Variants in TXNDC11 observed in about 807,000 individuals in gnomAD.
The protein encoded by TXNDC11 is thioredoxin domain-containing protein 11.
In TXNDC11, 68 loss-of-function variants were observed where a neutral mutation model predicts 78.0. The observed-to-expected ratio is 0.87, with a 90% CI of 0.72 to 1.07. The LOEUF (loss-of-function observed/expected upper bound fraction) is 1.07, where lower values mean the gene tolerates loss of function less well. Among genes scored for constraint, TXNDC11 ranks in the 50% least tolerant of loss-of-function variants. The pLI, the probability that TXNDC11 is intolerant of heterozygous loss-of-function variation, is 0.00. For missense variants in TXNDC11, 1,389 were observed against 1,221.8 expected (o/e 1.14, Z -2.04); for synonymous variants, 571 against 495.2 (o/e 1.15, Z -2.03).
Position 11,679,108 on chromosome 16 carries a change from T to C in TXNDC11, c.*87A>G. ...TTTTCTAGACCACTGAGAAAATCTT[T>C]ATTTACAATAAATTTCAATAAAATT... On this transcript the variant is annotated 3_prime_UTR_variant, in exon 12 of 12. Transcript: ENST00000283033. This position sits in a 1 kb window ranked among gnomAD's most constrained non-coding sequence, Gnocchi z 4.6. The C allele has an allele frequency of 7.2e-7, 1 of 1,393,984 alleles. No homozygotes were observed. The highest frequency in any genetic ancestry group is 9.7e-7 in the Non-Finnish European group (1 of 1,026,394). The allele number at this position is 1,393,984 out of a possible 1,614,324, so 86.4% of individuals were successfully genotyped here. A position where few individuals can be genotyped will look rare whatever the true frequency, so the allele number is the denominator to read the frequency against.
chr16:11,700,340 T>C (rs1405946821), intron 6 of TXNDC11, 112 bp downstream of exon 6: 2 of 508,546 alleles, frequency 3.9e-6, no homozygotes, highest in Non-Finnish European at 7.0e-6. Flanking sequence ...TAAAATCATA[T>C]GCGCTTTTCT....
chr16:11,734,124 G>A (rs529181089), intron 2 of TXNDC11, 45 bp from the exon 3 acceptor site: 25 of 1,203,614 alleles, frequency 2.1e-5, no homozygotes, highest in East Asian at 4.9e-5. Flanking sequence ...AATAACAACT[G>A]AAAAGTTACC....
chr16:11,741,711 G>T (rs1010079479), intron 1 of TXNDC11, among the ~76,000 whole-genome samples: 1 of 152,170 alleles, frequency 6.6e-6, no homozygotes, highest in Admixed American at 6.5e-5. Context: ...CCGGACGAGC[G>T]TCCGGCACAT....
chr16:11,696,952 C>T (rs1318946798), intron 7 of TXNDC11, among the ~76,000 whole-genome samples: 3 of 152,112 alleles, frequency 2.0e-5, no homozygotes, highest in Admixed American at 6.5e-5. Flanking sequence ...CCACCTTGAC[C>T]GAAAACCTTC....
chr16:11,739,323 G>A (rs2052324729), intron 1 of TXNDC11, among the ~76,000 whole-genome samples: 1 of 152,170 alleles, frequency 6.6e-6, no homozygotes, highest in Non-Finnish European at 1.5e-5. Context: ...GCAGCTATGA[G>A]GGGTATGTCT....
At chr16:11,703,038 T>G (rs998016288) in intron 5 of TXNDC11, among the ~76,000 whole-genome samples, 10 of 152,172 alleles carry the variant, frequency 6.6e-5, no homozygotes, top group Non-Finnish European at 1.0e-4. Flanking sequence ...TAGGCCTTTT[T>G]GTATCTGACT....
In TXNDC11 at chr16:11,730,857, A is replaced by G. The variant is rs952127132; in HGVS notation, c.570-83T>C. The G allele has an allele frequency of 6.8e-6, 7 of 1,030,414 alleles. No homozygotes were observed. The African/African-American group carries it at 9.9e-5, about 15-fold the overall frequency. 63.8% of individuals were successfully genotyped at this position (1,030,414 alleles called of 1,614,324 possible). ...AAGCCTGTAATGTATAACTAAAATCATCACCACCACAAAATGAAAGTGTCT... is the reference window on the plus strand; with the variant it reads ...AAGCCTGTAATGTATAACTAAAATCGTCACCACCACAAAATGAAAGTGTCT... On this transcript the variant is annotated intron_variant, in intron 3 of 11. Transcript: ENST00000283033.
rs755933236 is a variant in TXNDC11 at position 11,721,673 on chromosome 16, G to A, written c.700-3C>T. On this transcript the variant is annotated splice_polypyrimidine_tract_variant and splice_region_variant and intron_variant, in intron 4 of 11. Transcript: ENST00000283033. ...TCAAAGTACCCGAGTACTCCAGGCT[G>A]CAGGAAAAAGAGCAGAATTAGGTAA... 5 of 1,599,742 alleles carry A rather than the reference G, an allele frequency of 3.1e-6. No individual in the cohort carries two copies. Among genetic ancestry groups the A allele is most frequent in the Admixed American group, 3.4e-5 (2 of 59,574 alleles).
chr16:11,693,122 C>T (rs181594429), intron 7 of TXNDC11, among the ~76,000 whole-genome samples: 1 of 152,268 alleles, frequency 6.6e-6, no homozygotes, highest in Admixed American at 6.5e-5. Flanking sequence ...CTGCCATCCC[C>T]GGGGCCTAGC....
intron 1 of TXNDC11, among the ~76,000 whole-genome samples, chr16:11,736,704 C>G (rs2052231049): frequency 6.6e-6 from 1 of 152,202 alleles, no homozygotes; most frequent in South Asian, 2.1e-4. Context: ...AGCTTATTAG[C>G]TGGAGTTGGC....
intron 5 of TXNDC11, among the ~76,000 whole-genome samples, chr16:11,717,434 G>GAC (rs1567332435): frequency 1.6e-5 from 1 of 62,330 alleles, no homozygotes; most frequent in Non-Finnish European, 2.8e-5. Flanking sequence ...GACTCCAAAT[G>GAC]AAAAAAAAAA....
chr16:11,694,869 G>GT (rs2050818391), intron 7 of TXNDC11, among the ~76,000 whole-genome samples: 1 of 152,186 alleles, frequency 6.6e-6, no homozygotes, highest in African/African-American at 2.4e-5. Flanking sequence ...CACATTCTGT[G>GT]TATCACTTGA....
At chr16:11,683,825 C>A (rs2050496465) in intron 11 of TXNDC11, among the ~76,000 whole-genome samples, 1 of 147,400 alleles carries the variant, frequency 6.8e-6, no homozygotes. Context: ...GATCTTGGCT[C>A]ACTGCAACCT....
intron 5 of TXNDC11, among the ~76,000 whole-genome samples, chr16:11,712,140 A>G (rs183861333): frequency 1.3e-5 from 2 of 152,358 alleles, no homozygotes; most frequent in Non-Finnish European, 2.9e-5. Context: ...CAATACTCTA[A>G]AAGAGTCAAT....
Position 11,687,933 on chromosome 16 carries a change from C to A in TXNDC11, c.2077G>T (p.Gly693Cys). 6.2e-7 allele frequency: 1 copy of A among 1,613,836 alleles called. No individual in the cohort carries two copies. Among genetic ancestry groups the A allele is most frequent in the South Asian group, 1.1e-5 (1 of 91,038 alleles). ...VLLLYYAPWC[G>C]FCPSLNHIFI... ...ATGTGATTGAGGGATGGACAGAAGCCGCACCACGGAGCGTAATAGAGCAGG... is the reference window on the plus strand; with the variant it reads ...ATGTGATTGAGGGATGGACAGAAGCAGCACCACGGAGCGTAATAGAGCAGG... Residue 693 changes from glycine (G) to cysteine (C), a missense_variant, in exon 10 of 12, where the codon GGC becomes TGC. Coordinates refer to ENST00000283033, the MANE Select transcript of TXNDC11 (RefSeq NM_015914.7).
intron 5 of TXNDC11, among the ~76,000 whole-genome samples, chr16:11,712,082 C>A (rs991402069): frequency 3.3e-5 from 5 of 152,018 alleles, no homozygotes; most frequent in Non-Finnish European, 7.4e-5. Context: ...TTATCAACTT[C>A]CAAACATGAA....
chr16:11,681,270 C>T (rs902898815), intron 11 of TXNDC11, among the ~76,000 whole-genome samples: 1 of 152,230 alleles, frequency 6.6e-6, no homozygotes, highest in Non-Finnish European at 1.5e-5. Flanking sequence ...CCTGCCCCCA[C>T]GTTCTGCGGC....
chr16:11,729,458 CAT>C (rs1354029636), intron 4 of TXNDC11, among the ~76,000 whole-genome samples: 1 of 93,738 alleles, frequency 1.1e-5, no homozygotes, highest in East Asian at 2.4e-4. Flanking sequence ...ATAGTTAACA[CAT>C]ATGTAGTTTC....
At chr16:11,693,250 T>C (rs1262863589) in intron 7 of TXNDC11, among the ~76,000 whole-genome samples, 3 of 152,210 alleles carry the variant, frequency 2.0e-5, no homozygotes, top group Non-Finnish European at 4.4e-5. Flanking sequence ...CAAGCCAGTA[T>C]TGGCAATTTG....
Sources: gnomAD v4.1 joint callset for allele counts (sites outside exome capture counted in the v4.1 genomes callset) on GRCh38, gnomAD v4.1.1 for gene constraint, Gnocchi (gnomAD v3.1) non-coding constraint, MANE v1.5 for transcripts, NCBI Gene and HGNC (gene_info 2026-07-23, HGNC 2026-07-21) for gene names.